Variants in NRXN1 observed in about 807,000 individuals in gnomAD.
NRXN1 encodes neurexin-1.
Under a neutral mutation model 150.9 loss-of-function variants are expected in NRXN1, and 39 were observed. That is an observed-to-expected ratio of 0.26 (90% CI 0.20 to 0.34). The LOEUF (loss-of-function observed/expected upper bound fraction) is 0.34. NRXN1 is among the 10% of genes least tolerant of loss of function. NRXN1 has a pLI of 1.00. For synonymous variants in NRXN1, 924 were observed against 757.0 expected, an observed-to-expected ratio of 1.22 and a Z score of -3.62; for missense variants, 1,815 against 1,949.9, an observed-to-expected ratio of 0.93 and a Z score of 1.30.
chr2:50,037,884 C>T (rs1463261132), intron 21 of NRXN1, among the ~76,000 whole-genome samples: 1 of 152,166 alleles, frequency 6.6e-6, no homozygotes, highest in Non-Finnish European at 1.5e-5. Context: ...AACACTGACT[C>T]CAATGCATTG....
At chr2:50,617,169 T>C (rs1026909406) in intron 8 of NRXN1, among the ~76,000 whole-genome samples, 1 of 151,906 alleles carries the variant, frequency 6.6e-6, no homozygotes, top group Non-Finnish European at 1.5e-5. Context: ...ATTACAGGCA[T>C]GAACCACGAC....
At chr2:50,791,416 T>G (rs1179662862) in intron 5 of NRXN1, among the ~76,000 whole-genome samples, 1 of 151,908 alleles carries the variant, frequency 6.6e-6, no homozygotes, top group Non-Finnish European at 1.5e-5. Context: ...AGAATAATGG[T>G]TAGGTTTCTC....
rs2287234 is a variant in NRXN1 at position 51,031,749 on chromosome 2, C to A, written c.-922+232G>T. Reference sequence around the variant, plus strand: ...TCTTATTTTCTTTCTTTTGCTAATACATCACTGCATTCAGCCTTTAAGTTA... The same window carrying A: ...TCTTATTTTCTTTCTTTTGCTAATAAATCACTGCATTCAGCCTTTAAGTTA... On this transcript the variant is annotated intron_variant, in intron 1 of 22. Transcript: ENST00000401669. Among the ~76,000 whole-genome samples, 90,125 of 151,722 alleles carry A rather than the reference C, an allele frequency of 0.59. 27,025 individuals carry two copies. Among genetic ancestry groups the A allele is most frequent in the African/African-American group, 0.68 (28,280 of 41,354 alleles).
chr2:50,248,379 A>G (rs2066708466), intron 17 of NRXN1, among the ~76,000 whole-genome samples: 1 of 152,094 alleles, frequency 6.6e-6, no homozygotes, highest in East Asian at 1.9e-4. Flanking sequence ...AGAAACACCT[A>G]CCTCTTGAAA....
intron 2 of NRXN1, among the ~76,000 whole-genome samples, chr2:50,971,883 C>G (rs988577919): frequency 6.6e-6 from 1 of 152,080 alleles, no homozygotes; most frequent in Non-Finnish European, 1.5e-5. Flanking sequence ...ATAGCAGTGT[C>G]CCTGCCCATT....
chr2:50,518,679 G>T (rs2105102551), intron 12 of NRXN1, among the ~76,000 whole-genome samples: 1 of 151,718 alleles, frequency 6.6e-6, no homozygotes, highest in East Asian at 1.9e-4. Flanking sequence ...ATCATTCCAT[G>T]TCTAAATACA....
At chr2:49,998,989 A>G (rs906260487) in intron 21 of NRXN1, among the ~76,000 whole-genome samples, 1 of 152,052 alleles carries the variant, frequency 6.6e-6, no homozygotes, top group Admixed American at 6.6e-5. Context: ...ACCTTGTACT[A>G]GCATTTTAGG....
At chr2:50,499,877 G>T (rs1482083238) in intron 13 of NRXN1, among the ~76,000 whole-genome samples, 1 of 151,454 alleles carries the variant, frequency 6.6e-6, no homozygotes. Context: ...GAACCTGGGA[G>T]GCGGAGGTTG....
At chr2:50,598,692 A>G (rs1675692775) in intron 8 of NRXN1, among the ~76,000 whole-genome samples, 1 of 146,142 alleles carries the variant, frequency 6.8e-6, no homozygotes, top group Non-Finnish European at 1.5e-5. Flanking sequence ...GTATATACAT[A>G]TCTATATATA....
At position 50,623,555 on chromosome 2, in the gene NRXN1, T is replaced by C; in HGVS notation, c.893A>G (p.Gln298Arg). Residue 298 changes from glutamine (Q) to arginine (R), a missense_variant, in exon 6 of 23, where the codon CAA becomes CGA. This residue lies in a region of NRXN1 where 554 missense variants were observed against 478.8 expected (regional missense o/e 1.16). Transcript: ENST00000401669. The part of the protein sequence containing the change: ...GSEYFCYDLS[Q>R]NPIQSSSDEI... ...ATCACTGCTGCTTTGAATGGGGTTT[T>C]GAGACAAGTCGTAGCAGAAGTATTC... The C allele has an allele frequency of 6.2e-7, 1 of 1,613,346 alleles. No homozygotes were observed.
At chr2:50,623,886 T>C (rs1474123013) in intron 5 of NRXN1, among the ~76,000 whole-genome samples, 2 of 152,108 alleles carry the variant, frequency 1.3e-5, no homozygotes, top group Admixed American at 6.6e-5. Context: ...GCTGCACCCA[T>C]TAACTCGTCA....
intron 21 of NRXN1, among the ~76,000 whole-genome samples, chr2:50,004,776 T>C (rs1684494862): frequency 6.6e-6 from 1 of 152,174 alleles, no homozygotes; most frequent in African/African-American, 2.4e-5. Flanking sequence ...GAGCTTCTAT[T>C]GTCTTCTTTC....
At chr2:50,862,685 C>T (rs1321486936) in intron 5 of NRXN1, among the ~76,000 whole-genome samples, 1 of 152,050 alleles carries the variant, frequency 6.6e-6, no homozygotes, top group Non-Finnish European at 1.5e-5. Context: ...TATTGAGTAC[C>T]TACTGTGTTA....
intron 17 of NRXN1, among the ~76,000 whole-genome samples, chr2:50,418,696 G>T (rs879749878): frequency 6.6e-6 from 1 of 151,920 alleles, no homozygotes; most frequent in African/African-American, 2.4e-5. Context: ...GGGATCAAGG[G>T]AAATACAAAA....
chr2:50,488,871 C>T (rs943217409), intron 15 of NRXN1, among the ~76,000 whole-genome samples: 11 of 152,150 alleles, frequency 7.2e-5, no homozygotes, highest in East Asian at 1.9e-4. Flanking sequence ...AAGAAGACAA[C>T]GCATCACCAC....
At chr2:49,986,335 A>G (rs1419657605) in intron 21 of NRXN1, among the ~76,000 whole-genome samples, 1 of 152,238 alleles carries the variant, frequency 6.6e-6, no homozygotes, top group Non-Finnish European at 1.5e-5. Context: ...AAAGGTGATA[A>G]AAGTTAAATA....
chr2:50,422,294 G>T (rs1470799695), intron 17 of NRXN1, among the ~76,000 whole-genome samples: 1 of 152,040 alleles, frequency 6.6e-6, no homozygotes, highest in Non-Finnish European at 1.5e-5. Flanking sequence ...ACCAGTTTGT[G>T]TCCCCATGAA....
intron 18 of NRXN1, among the ~76,000 whole-genome samples, chr2:50,125,725 A>C (rs1182829671): frequency 2.0e-5 from 3 of 152,138 alleles, no homozygotes; most frequent in African/African-American, 7.2e-5. Context: ...TGGGATAGAG[A>C]TTAGCAATAA....
intron 12 of NRXN1, among the ~76,000 whole-genome samples, chr2:50,520,760 TTTTA>T (rs1201726133): frequency 6.6e-6 from 1 of 152,020 alleles, no homozygotes; most frequent in Admixed American, 6.6e-5. Flanking sequence ...TTTCTACAAT[TTTTA>T]TTTATTGTAC....
Sources: allele counts gnomAD v4.1 joint callset (sites outside exome capture counted in the v4.1 genomes callset), GRCh38; gene constraint gnomAD v4.1.1; regional missense constraint gnomAD v4.1.1; transcripts MANE v1.5; gene names NCBI Gene and HGNC (gene_info 2026-07-23, HGNC 2026-07-21).